The following BLTP3B variants were observed in gnomAD, a reference collection of about 807,000 sequenced individuals.
BLTP3B encodes UHRF1 (ICBP90) binding protein 1-like.
chr12:100,073,128 A>G, the BLTP3B span, among the ~76,000 whole-genome samples: 1 of 152,208 alleles, frequency 6.6e-6, no homozygotes, highest in African/African-American at 2.4e-5. Context: ...GATAATATAG[A>G]TAAGTAAATG....
the BLTP3B span, among the ~76,000 whole-genome samples, chr12:100,110,791 T>C: frequency 1.3e-5 from 2 of 152,044 alleles, no homozygotes; most frequent in Non-Finnish European, 1.5e-5. Context: ...AGGGAGATGA[T>C]ATAAAGTGGA....
At chr12:100,107,926 T>C in the BLTP3B span, among the ~76,000 whole-genome samples, 7 of 151,954 alleles carry the variant, frequency 4.6e-5, no homozygotes, top group Non-Finnish European at 7.4e-5. Context: ...ATTTTTAGTA[T>C]AGATGCAGTC....
the BLTP3B span, among the ~76,000 whole-genome samples, chr12:100,103,617 T>C: frequency 2.0e-5 from 3 of 152,138 alleles, no homozygotes; most frequent in Non-Finnish European, 2.9e-5. Flanking sequence ...CTGGATCAAA[T>C]GTTACTGAAA....
the BLTP3B span, among the ~76,000 whole-genome samples, chr12:100,077,885 T>C: frequency 1.3e-5 from 2 of 152,204 alleles, no homozygotes; most frequent in Non-Finnish European, 2.9e-5. Flanking sequence ...TATAGAATTA[T>C]ATTCACAGTA....
chr12:100,112,823 G>A, the BLTP3B span, among the ~76,000 whole-genome samples: 1 of 142,672 alleles, frequency 7.0e-6, no homozygotes, highest in Admixed American at 7.4e-5. Flanking sequence ...TTGCACCACT[G>A]CACTCCAGCC....
chr12:100,130,887 C>A, the BLTP3B span, among the ~76,000 whole-genome samples: 1 of 150,272 alleles, frequency 6.7e-6, no homozygotes, highest in Non-Finnish European at 1.5e-5. Flanking sequence ...TCGCTCCATG[C>A]CTGGGCAACA....
chr12:100,116,448 C>G, the BLTP3B span, among the ~76,000 whole-genome samples: 2 of 56,002 alleles, frequency 3.6e-5, no homozygotes, highest in Admixed American at 4.2e-4. Context: ...GATCCTGTCT[C>G]AAAAAAAAAA....
At chr12:100,128,339 C>A in the BLTP3B span, among the ~76,000 whole-genome samples, 1 of 151,832 alleles carries the variant, frequency 6.6e-6, no homozygotes, top group Non-Finnish European at 1.5e-5. Flanking sequence ...AAGTATGTTG[C>A]CAAACCTTAT....
chr12:100,124,955 TATATATATATATATATATA>T, the BLTP3B span, among the ~76,000 whole-genome samples: 57 of 86,940 alleles, frequency 6.6e-4, 1 homozygote, highest in African/African-American at 3.0e-3. Flanking sequence ...TATATATATA[TATATATATATATATATATA>T]TATATTTATA....
At chr12:100,113,460 G>A in the BLTP3B span, among the ~76,000 whole-genome samples, 2 of 151,718 alleles carry the variant, frequency 1.3e-5, no homozygotes, top group African/African-American at 2.4e-5. Context: ...AAGACTCTGT[G>A]TAAAAAAAAA....
At chr12:100,130,878 C>A in the BLTP3B span, among the ~76,000 whole-genome samples, 1 of 150,772 alleles carries the variant, frequency 6.6e-6, no homozygotes, top group African/African-American at 2.5e-5. Flanking sequence ...GAGCTGAGAT[C>A]GCTCCATGCC....
At chr12:100,083,690 C>CAAA in the BLTP3B span, among the ~76,000 whole-genome samples, 1 of 128,080 alleles carries the variant, frequency 7.8e-6, no homozygotes, top group Non-Finnish European at 1.6e-5. Flanking sequence ...ACTGGGCCAG[C>CAAA]AAAAAAAAAA....
chr12:100,068,447 T>G, the BLTP3B span, among the ~76,000 whole-genome samples: 1 of 152,200 alleles, frequency 6.6e-6, no homozygotes, highest in East Asian at 1.9e-4. Flanking sequence ...CACGAGGATT[T>G]CATGACCAAG....
At chr12:100,062,262 A>C in the BLTP3B span, among the ~76,000 whole-genome samples, 4 of 152,246 alleles carry the variant, frequency 2.6e-5, no homozygotes, top group African/African-American at 9.6e-5. Flanking sequence ...TTGAGCAGAT[A>C]TCTAAAACTG....
chr12:100,141,058 G>C, the BLTP3B span, among the ~76,000 whole-genome samples: 1 of 151,960 alleles, frequency 6.6e-6, no homozygotes, highest in Non-Finnish European at 1.5e-5. Context: ...GTATTTTCTT[G>C]TGGAGCTGGG....
the BLTP3B span, among the ~76,000 whole-genome samples, chr12:100,098,157 G>A: frequency 3.9e-5 from 6 of 152,082 alleles, no homozygotes; most frequent in African/African-American, 1.4e-4. Flanking sequence ...GGTCAAGGCT[G>A]CAGTGAGCCG....
chr12:100,095,894 G>A, the BLTP3B span: 28 of 1,371,196 alleles, frequency 2.0e-5, no homozygotes, highest in African/African-American at 4.5e-5. Flanking sequence ...CTTATAATAC[G>A]CTTGTATTAA....
chr12:100,108,409 A>G, the BLTP3B span: 1 of 1,612,790 alleles, frequency 6.2e-7, no homozygotes, highest in South Asian at 1.1e-5. Flanking sequence ...TTATTACAAA[A>G]AACTTTGTTG....
chr12:100,081,284 T>A, the BLTP3B span, among the ~76,000 whole-genome samples: 1 of 152,224 alleles, frequency 6.6e-6, no homozygotes, highest in Admixed American at 6.5e-5. Context: ...ATTTGTATAA[T>A]GTGACTACAA....
Sources: allele counts gnomAD v4.1 joint callset (sites outside exome capture counted in the v4.1 genomes callset), GRCh38; gene constraint gnomAD v4.1.1; transcripts MANE v1.5; gene names NCBI Gene and HGNC (gene_info 2026-07-23, HGNC 2026-07-21).